The following AUTS2 variants were observed in gnomAD, a reference collection of about 807,000 sequenced individuals.
AUTS2 encodes autism susceptibility gene 2 protein.
A neutral mutation model predicts 112.4 loss-of-function variants in AUTS2; 17 were observed. That is an observed-to-expected ratio of 0.15 (90% CI 0.10 to 0.23). The LOEUF is 0.23. AUTS2 is among the 10% of genes least tolerant of loss of function. AUTS2 has a pLI of 1.00. For synonymous variants in AUTS2, 751 were observed against 702.7 expected (o/e 1.07, Z -1.09); for missense variants, 1,510 against 1,701.6 (o/e 0.89, Z 1.98).
intron 4 of AUTS2, among the ~76,000 whole-genome samples, chr7:70,177,155 A>T (rs1809031989): frequency 6.6e-6 from 1 of 152,212 alleles, no homozygotes; most frequent in South Asian, 2.1e-4. Context: ...AAATTTTCAA[A>T]TTTTATAAAT....
chr7:70,448,298 G>T (rs1207184521), intron 5 of AUTS2, among the ~76,000 whole-genome samples: 2 of 152,174 alleles, frequency 1.3e-5, no homozygotes, highest in Non-Finnish European at 2.9e-5. Flanking sequence ...TGTAATTCAT[G>T]AATTTATTCA....
intron 2 of AUTS2, among the ~76,000 whole-genome samples, chr7:70,003,170 T>C (rs1011671314): frequency 7.3e-6 from 1 of 137,226 alleles, no homozygotes; most frequent in Non-Finnish European, 1.5e-5. Context: ...TATTCATATA[T>C]ATTATATGAA....
At chr7:69,838,737 C>T (rs1243925663) in intron 1 of AUTS2, among the ~76,000 whole-genome samples, 1 of 152,130 alleles carries the variant, frequency 6.6e-6, no homozygotes, top group African/African-American at 2.4e-5. Flanking sequence ...AAAGTGGAAA[C>T]TTAGCTGCTG....
In AUTS2 at chr7:70,775,398, TC is replaced by T. The variant is rs758742576; in HGVS notation, c.1932+13del. ...GACCTATGTTAAGGGTAAGAAAGCTTCTTATAGAACTGTTTTGCAACCTCTA... is the reference window on the plus strand; with the variant it reads ...GACCTATGTTAAGGGTAAGAAAGCTTTTATAGAACTGTTTTGCAACCTCTA... On this transcript the variant is annotated intron_variant, in intron 13 of 18. Coordinates refer to ENST00000342771, the MANE Select transcript of AUTS2 (RefSeq NM_015570.4). 19 of 1,611,190 alleles carry T rather than the reference TC, an allele frequency of 1.2e-5. No homozygotes were observed. Among genetic ancestry groups the T allele is most frequent in the Non-Finnish European group, 1.6e-5 (19 of 1,178,576 alleles).
At chr7:70,620,751 C>A (rs370283324) in intron 5 of AUTS2, among the ~76,000 whole-genome samples, 1 of 152,170 alleles carries the variant, frequency 6.6e-6, no homozygotes, top group Non-Finnish European at 1.5e-5. Flanking sequence ...GAGAAGAACT[C>A]CACTGGGCTC....
At chr7:70,514,988 T>G (rs978111190) in intron 5 of AUTS2, among the ~76,000 whole-genome samples, 1 of 152,250 alleles carries the variant, frequency 6.6e-6, no homozygotes, top group Non-Finnish European at 1.5e-5. Context: ...TTTTTTGTAT[T>G]TACCTGTAAA....
intron 10 of AUTS2, among the ~76,000 whole-genome samples, chr7:70,770,870 T>G (rs1790292096): frequency 6.6e-6 from 1 of 152,208 alleles, no homozygotes; most frequent in Non-Finnish European, 1.5e-5. Context: ...TCGGGTTATT[T>G]CTGTGCAACT....
At position 70,486,886 on chromosome 7, in the gene AUTS2, T is replaced by A. The variant is rs1798025990; in HGVS notation, c.690+51105T>A. Among the ~76,000 whole-genome samples, 3 of 139,322 alleles carry A rather than the reference T, an allele frequency of 2.2e-5. No individual in the cohort carries two copies. The South Asian group carries it at 7.5e-4, about 35-fold the overall frequency. The allele number at this position is 139,322 out of a possible 152,430, so 91.4% of individuals were successfully genotyped here. On this transcript the variant is annotated intron_variant, in intron 5 of 18. Transcript: ENST00000342771. ...GTCCTTTTGGTTTCGTTTGTTTTGT[T>A]GTTTTTGTATTCCCCCCCCCCCAAA...
chr7:69,644,275 T>C (rs1017351409), intron 1 of AUTS2, among the ~76,000 whole-genome samples: 8 of 151,974 alleles, frequency 5.3e-5, no homozygotes, highest in African/African-American at 1.7e-4. Flanking sequence ...ATTGCAGTCA[T>C]TCCCATTCTT....
At chr7:69,917,793 G>C (rs1408230209) in intron 2 of AUTS2, among the ~76,000 whole-genome samples, 1 of 151,922 alleles carries the variant, frequency 6.6e-6, no homozygotes, top group Admixed American at 6.6e-5. Flanking sequence ...ACTTCACTTA[G>C]AATAATGGTC....
At chr7:70,754,097 C>G (rs1181752821) in intron 6 of AUTS2, among the ~76,000 whole-genome samples, 1 of 152,056 alleles carries the variant, frequency 6.6e-6, no homozygotes, top group Non-Finnish European at 1.5e-5. Flanking sequence ...GGAAGCGGAG[C>G]TTACAGTGAG....
At chr7:69,712,110 A>C (rs1798355084) in intron 1 of AUTS2, among the ~76,000 whole-genome samples, 1 of 152,118 alleles carries the variant, frequency 6.6e-6, no homozygotes, top group African/African-American at 2.4e-5. Context: ...TCATCATGGC[A>C]CTTACTGTGC....
chr7:69,704,547 G>T (rs1271595208), intron 1 of AUTS2, among the ~76,000 whole-genome samples: 1 of 152,060 alleles, frequency 6.6e-6, no homozygotes, highest in Non-Finnish European at 1.5e-5. Flanking sequence ...CAAAGTACAG[G>T]CATGAGCCAC....
At chr7:70,051,076 G>A (rs2039783010) in intron 2 of AUTS2, among the ~76,000 whole-genome samples, 1 of 152,226 alleles carries the variant, frequency 6.6e-6, no homozygotes, top group African/African-American at 2.4e-5. Flanking sequence ...GAGCAAATGT[G>A]TGTTACAGCT....
At chr7:70,005,284 G>A (rs1799496651) in intron 2 of AUTS2, among the ~76,000 whole-genome samples, 1 of 152,030 alleles carries the variant, frequency 6.6e-6, no homozygotes, top group Non-Finnish European at 1.5e-5. Flanking sequence ...TTATAATGCT[G>A]AATACACTGT....
chr7:69,814,763 C>T (rs1284921395), intron 1 of AUTS2, among the ~76,000 whole-genome samples: 2 of 152,208 alleles, frequency 1.3e-5, no homozygotes, highest in Admixed American at 6.5e-5. Flanking sequence ...GCGAATGGAG[C>T]GTGCACGCTG....
intron 2 of AUTS2, among the ~76,000 whole-genome samples, chr7:69,949,802 T>G (rs1308658143): frequency 6.6e-6 from 1 of 152,210 alleles, no homozygotes; most frequent in East Asian, 1.9e-4. Flanking sequence ...CTGGACTTCT[T>G]TAGAAGCACC....
intron 1 of AUTS2, among the ~76,000 whole-genome samples, chr7:69,876,397 G>A (rs1196535575): frequency 3.6e-4 from 28 of 77,268 alleles, no homozygotes; most frequent in South Asian, 9.7e-4. Context: ...TATATAATAT[G>A]TATTATATAT....
chr7:70,677,915 C>G (rs1717071583), intron 5 of AUTS2, among the ~76,000 whole-genome samples: 1 of 152,046 alleles, frequency 6.6e-6, no homozygotes, highest in African/African-American at 2.4e-5. Flanking sequence ...AACCCCGTCT[C>G]TACTAAAAAT....
Sources: allele counts gnomAD v4.1 joint callset (sites outside exome capture counted in the v4.1 genomes callset), GRCh38; gene constraint gnomAD v4.1.1; transcripts MANE v1.5; gene names NCBI Gene and HGNC (gene_info 2026-07-23, HGNC 2026-07-21).